Variants in MUC17 observed in about 807,000 individuals in gnomAD.
MUC17 encodes the protein mucin-17.
MUC17 carries 190 observed loss-of-function variants against 170.3 expected under a neutral mutation model. The ratio of observed to expected loss-of-function variants is 1.12; its 90% CI spans 0.99 to 1.26. The LOEUF (loss-of-function observed/expected upper bound fraction) is 1.26, where lower values mean the gene tolerates loss of function less well. MUC17 is among the 50% of genes most tolerant of loss of function. MUC17 has a pLI of 0.00. For synonymous variants in MUC17, 2,325 were observed against 2,002.5 expected (o/e 1.16, Z -4.30); for missense variants, 6,415 against 5,530.0 (o/e 1.16, Z -5.08).
intron 10 of MUC17, 93 bp from the exon 11 acceptor site, chr7:101,053,246 C>T (rs546098200): frequency 2.4e-5 from 38 of 1,576,134 alleles, no homozygotes; most frequent in South Asian, 1.0e-4. Context: ...AGGTGGGCAG[C>T]GGGGGCAGCT....
rs1468825628 is a variant in MUC17, at chr7:101,043,224, G to A, written c.11808G>A (p.Gly3936=). Residue 3936 remains glycine (G), a synonymous_variant, in exon 3 of 13, where the codon GGG becomes GGA. Coordinates refer to ENST00000306151, the MANE Select transcript of MUC17 (RefSeq NM_001040105.2). ...VSVITEGSTP[G]TTIFIPSTPV... is the part of the protein sequence containing the mutation. ...TGATCACAGAAGGAAGCACACCTGG[G>A]ACAACCATTTTTATTCCCAGCACTC... The A allele has an allele frequency of 6.2e-7, 1 of 1,614,076 alleles. No individual in the cohort carries two copies. Among genetic ancestry groups the A allele is most frequent in the Admixed American group, 1.7e-5 (1 of 60,012 alleles).
Position 101,051,825 on chromosome 7 carries a change from G to A in MUC17, c.12966G>A (p.Lys4322=). 1 of 1,614,070 alleles carries A rather than the reference G, an allele frequency of 6.2e-7. No homozygotes were observed. The highest frequency in any genetic ancestry group is 2.2e-5 in the East Asian group (1 of 44,880). ...CAGAGGACTGCCGGAAGATGGCCAA[G>A]GAATATGGAGACTACTTCGTAGTGG... The part of the protein sequence containing the change: ...DPEEDCRKMA[K]EYGDYFVVEY... The change falls in exon 9 of 13, where the codon AAG becomes AAA. Residue 4322 remains lysine, a synonymous_variant. Coordinates refer to ENST00000306151, the MANE Select transcript of MUC17 (RefSeq NM_001040105.2).
intron 2 of MUC17, 21 bp downstream of exon 2, chr7:101,031,242 A>C: frequency 6.2e-7 from 1 of 1,604,432 alleles, no homozygotes; most frequent in East Asian, 2.2e-5. Context: ...AGACTCCAAG[A>C]TCTATCTGGG....
chr7:101,046,939 C>G (rs867555121), intron 3 of MUC17, among the ~76,000 whole-genome samples: 6 of 151,304 alleles, frequency 4.0e-5, no homozygotes, highest in African/African-American at 1.5e-4. Context: ...ATTAGCTGGG[C>G]GTGGTGGCAG....
Position 101,035,993 on chromosome 7 carries a change from T to C in MUC17, c.4577T>C (p.Val1526Ala), listed in dbSNP as rs1794464487. 6.2e-7 allele frequency: 1 copy of C among 1,611,910 alleles called. No individual in the cohort carries two copies. ...LTSIPVSTTT[V>A]ASSEINSLST... ...AGTATACCTGTCAGCACCACAACAG[T>C]GGCCAGTTCTGAAATCAACAGCCTT... Residue 1526 changes from valine (V) to alanine (A), a missense_variant, in exon 3 of 13, where the codon GTG becomes GCG. Coordinates refer to ENST00000306151, the MANE Select transcript of MUC17 (RefSeq NM_001040105.2).
At chr7:101,028,896 TAATA>T (rs1235305287) in intron 1 of MUC17, among the ~76,000 whole-genome samples, 1 of 146,630 alleles carries the variant, frequency 6.8e-6, no homozygotes, top group Non-Finnish European at 1.5e-5. Flanking sequence ...TCTTAAAAAT[TAATA>T]AATAAGTCCG....
Position 101,035,300 on chromosome 7 carries a change from C to T in MUC17, c.3884C>T (p.Ala1295Val). Reference protein sequence around the residue: ...VSTTLVTSPEASTLLTTPVDT... With the variant: ...VSTTLVTSPEVSTLLTTPVDT... The stretch of plus-strand genomic sequence containing the variant: ...ACCACGCTGGTGACCAGTCCTGAGG[C>T]TAGCACCCTTTTAACAACTCCTGTT... Residue 1295 changes from alanine (A) to valine (V), a missense_variant, in exon 3 of 13, where the codon GCT (alanine) becomes GTT (valine). Coordinates refer to ENST00000306151, the MANE Select transcript of MUC17 (RefSeq NM_001040105.2). 1.9e-6 allele frequency: 3 copies of T among 1,610,552 alleles called. No individual in the cohort carries two copies. Among genetic ancestry groups the T allele is most frequent in the Non-Finnish European group, 2.5e-6 (3 of 1,177,760 alleles).
In MUC17 at chr7:101,043,343, C is replaced by T; in HGVS notation, c.11927C>T (p.Thr3976Ile). 6.2e-7 allele frequency: 1 copy of T among 1,614,216 alleles called. No homozygotes were observed. Among genetic ancestry groups the T allele is most frequent in the South Asian group, 1.1e-5 (1 of 91,086 alleles). ...TCCACTGAACTAAACACACCATCAACCTCCAGTAGTAGTACCACCACATCT... is the reference window on the plus strand; with the variant it reads ...TCCACTGAACTAAACACACCATCAATCTCCAGTAGTAGTACCACCACATCT... ...ITSTELNTPS[T>I]SSSSTTTSFS... Residue 3976 changes from threonine (T) to isoleucine (I), a missense_variant, in exon 3 of 13, where the codon ACC (threonine) becomes ATC (isoleucine). Physicochemically the swap from Thr to Ile is moderately conservative, Grantham distance 89. Coordinates refer to ENST00000306151, the MANE Select transcript of MUC17 (RefSeq NM_001040105.2).
intron 11 of MUC17, among the ~76,000 whole-genome samples, chr7:101,054,276 G>T (rs1311892170): frequency 6.6e-6 from 1 of 152,140 alleles, no homozygotes; most frequent in African/African-American, 2.4e-5. Context: ...GAGGGTGGTA[G>T]ATTTCTCTAG....
rs1468683587 is a variant in MUC17 at position 101,043,758 on chromosome 7, C to A, written c.12342C>A (p.Pro4114=). 3.1e-6 allele frequency: 5 copies of A among 1,614,000 alleles called. No homozygotes were observed. Among genetic ancestry groups the A allele is most frequent in the Non-Finnish European group, 4.2e-6 (5 of 1,180,008 alleles). ...SFPTVTTTAV[P]TNTTIKSNPT... ...CCACGGTGACCACCACCGCTGTCCC[C>A]ACGAATACTACAATTAAGAGCAACC... Residue 4114 remains proline (P), a synonymous_variant, in exon 3 of 13, where the codon CCC becomes CCA. Coordinates refer to ENST00000306151, the MANE Select transcript of MUC17 (RefSeq NM_001040105.2).
At chr7:101,048,179 A>G (rs1794876039) in intron 4 of MUC17, 64 bp downstream of exon 4, 1 of 1,460,590 alleles carries the variant, frequency 6.8e-7, no homozygotes, top group East Asian at 2.5e-5. Context: ...TACAAGCAAC[A>G]GTTCCTGCCC....
Position 101,041,362 on chromosome 7 carries a change from T to C in MUC17, c.9946T>C (p.Ser3316Pro), listed in dbSNP as rs200629333. 595 of 1,606,784 alleles carry C rather than the reference T, an allele frequency of 3.7e-4. 6 individuals carry two copies. The South Asian group carries it at 6.2e-3, about 17-fold the overall frequency. Residue 3316 changes from serine (S) to proline (P), a missense_variant, in exon 3 of 13, where the codon TCT becomes CCT. Transcript: ENST00000306151. ...CACCAGCACACCTGTGACCACTTAT[T>C]CTCAAGCCAGTTCATCTCCTCCAAT... ...ADTSTPVTTY[S>P]QASSSPPIAD...
intron 1 of MUC17, among the ~76,000 whole-genome samples, chr7:101,021,443 C>G (rs1794080136): frequency 6.6e-6 from 1 of 152,158 alleles, no homozygotes; most frequent in Non-Finnish European, 1.5e-5. Context: ...CCACCTTGGG[C>G]TCCCAAAGTG....
rs893938355 is a variant in MUC17 at position 101,037,508 on chromosome 7, G to A, written c.6092G>A (p.Gly2031Asp). ...EGSSSPTTAGGTSIQTSTPSE... is the reference protein window; with the variant it reads ...EGSSSPTTAGDTSIQTSTPSE... The stretch of plus-strand genomic sequence containing the variant: ...AGTTCATCTCCTACAACTGCAGGAG[G>A]TACCAGCATACAAACCTCAACTCCT... Residue 2031 changes from glycine to aspartate, a missense_variant, in exon 3 of 13, where the codon GGT becomes GAT. Gly to Asp is a moderately conservative substitution (Grantham distance 94). Transcript: ENST00000306151. 2 of 1,613,616 alleles carry A rather than the reference G, an allele frequency of 1.2e-6. No individual in the cohort carries two copies. The highest frequency in any genetic ancestry group is 3.3e-5 in the Admixed American group (2 of 59,980).
chr7:101,051,740 G>A (rs556021484), intron 8 of MUC17, 59 bp downstream of exon 8: 2 of 1,605,698 alleles, frequency 1.2e-6, no homozygotes, highest in East Asian at 2.2e-5. Flanking sequence ...CCCAGGAGGA[G>A]TGGGACAGTG....
rs765923572 is a variant in MUC17, at chr7:101,036,630, C to A, written c.5214C>A (p.Ser1738Arg). 1 of 1,613,186 alleles carries A rather than the reference C, an allele frequency of 6.2e-7. No homozygotes were observed. Among genetic ancestry groups the A allele is most frequent in the Admixed American group, 1.7e-5 (1 of 59,924 alleles). ...RSSPTTSEGT[S>R]MPNSTPSEGT... ...CTCCTACAACTTCTGAAGGTACCAGCATGCCAAACTCAACTCCTAGTGAAG... is the reference window on the plus strand; with the variant it reads ...CTCCTACAACTTCTGAAGGTACCAGAATGCCAAACTCAACTCCTAGTGAAG... Residue 1738 changes from serine (S) to arginine (R), a missense_variant, in exon 3 of 13, where the codon AGC (serine) becomes AGA (arginine). Transcript: ENST00000306151.
In MUC17 at chr7:101,037,331, G is replaced by T. The variant is rs982088192; in HGVS notation, c.5915G>T (p.Gly1972Val). 4.3e-6 allele frequency: 7 copies of T among 1,613,944 alleles called. No homozygotes were observed. In the African/African-American group the frequency reaches 6.7e-5, roughly 15 times the overall value. The change falls in exon 3 of 13, where the codon GGT (glycine) becomes GTT (valine). Residue 1972 changes from glycine to valine, a missense_variant. Physicochemically the swap from Gly to Val is moderately radical, Grantham distance 109. Transcript: ENST00000306151. ...AGTTCATCTCCTACAACTGCTGATGGTACCAGCATGCCAACCCCAGCTTAT... is the reference window on the plus strand; with the variant it reads ...AGTTCATCTCCTACAACTGCTGATGTTACCAGCATGCCAACCCCAGCTTAT... ...QASSSPTTAD[G>V]TSMPTPAYSE...
chr7:101,037,811 C>T lies in MUC17; in HGVS notation c.6395C>T (p.Pro2132Leu), dbSNP rs1254378205. The change falls in exon 3 of 13, where the codon CCT becomes CTT. Residue 2132 changes from proline (P) to leucine (L), a missense_variant. Coordinates refer to ENST00000306151, the MANE Select transcript of MUC17 (RefSeq NM_001040105.2). ...ACAACTCCTGTTGACTCCAACAGTC[C>T]TGTGATCACTTCTACTGAAGTCAGT... is the stretch of plus-strand genomic sequence containing the variant. ...LSTTPVDSNSPVITSTEVSSS... is the reference protein window; with the variant it reads ...LSTTPVDSNSLVITSTEVSSS... The T allele has an allele frequency of 1.2e-5, 19 of 1,613,364 alleles. No homozygotes were observed. The highest frequency in any genetic ancestry group is 1.5e-5 in the Non-Finnish European group (18 of 1,179,612).
At position 101,032,053 on chromosome 7, in the gene MUC17, G is replaced by T; in HGVS notation, c.637G>T (p.Glu213Ter). ...STTIPKSTNS[E>*]GSTPLTSMPA... is the part of the protein sequence containing the mutation. Reference sequence around the variant, plus strand: ...CACCATACCCAAATCAACTAACAGTGAAGGAAGCACTCCATTAACAAGTAT... The same window carrying T: ...CACCATACCCAAATCAACTAACAGTTAAGGAAGCACTCCATTAACAAGTAT... The change falls in exon 3 of 13, where the codon GAA (glutamate) becomes TAA (stop). Residue 213 changes from glutamate (E) to a stop codon, truncating the protein, a stop_gained. Coordinates refer to ENST00000306151, the MANE Select transcript of MUC17 (RefSeq NM_001040105.2). LOFTEE classifies it high-confidence loss of function. 6.2e-7 allele frequency: 1 copy of T among 1,614,238 alleles called. No homozygotes were observed. The highest frequency in any genetic ancestry group is 8.5e-7 in the Non-Finnish European group (1 of 1,180,046).
Sources: allele counts gnomAD v4.1 joint callset (sites outside exome capture counted in the v4.1 genomes callset), GRCh38; gene constraint gnomAD v4.1.1; transcripts MANE v1.5; gene names NCBI Gene and HGNC (gene_info 2026-07-23, HGNC 2026-07-21).